The following SLC11A2 variants were observed in gnomAD, a reference collection of about 807,000 sequenced individuals.
SLC11A2 encodes natural resistance-associated macrophage protein 2.
SLC11A2 carries 38 observed loss-of-function variants against 68.0 expected under a neutral mutation model. That is an observed-to-expected ratio of 0.56 (90% CI 0.43 to 0.73). The LOEUF is 0.73. Among genes scored for constraint, SLC11A2 ranks in the 30% least tolerant of loss-of-function variants. The pLI, the probability that SLC11A2 is intolerant of heterozygous loss-of-function variation, is 0.00. For missense variants in SLC11A2, 517 were observed against 690.5 expected, an observed-to-expected ratio of 0.75 and a Z score of 2.82; for synonymous variants, 242 against 250.6, an observed-to-expected ratio of 0.97 and a Z score of 0.32.
Position 50,992,924 on chromosome 12 carries a change from A to C in SLC11A2, c.1083T>G (p.Val361=), listed in dbSNP as rs376488972. ...TLAVDIYKGG[V]VLGCYFGPAA... The stretch of plus-strand genomic sequence containing the variant: ...CAGGCCCAAAGTAACATCCCAGCAC[A>C]ACACCCTGTGAGAGGCCAAGAGGAA... Residue 361 remains valine, a synonymous_variant, in exon 12 of 16, where the codon GTT becomes GTG. Transcript: ENST00000262052. 3.1e-6 allele frequency: 5 copies of C among 1,613,900 alleles called. No homozygotes were observed. The highest frequency in any genetic ancestry group is 4.2e-6 in the Non-Finnish European group (5 of 1,179,938).
chr12:50,962,232 T>TAC, the SLC11A2 span, among the ~76,000 whole-genome samples: 1,571 of 146,276 alleles, frequency 0.011, 20 homozygotes, highest in African/African-American at 0.028. Context: ...CTAAAAAAAT[T>TAC]ACACACACAC....
intron 1 of SLC11A2, chr12:51,025,913 G>C: frequency 1.0e-6 from 1 of 989,296 alleles, no homozygotes; most frequent in Non-Finnish European, 1.2e-6. Flanking sequence ...CCGACGAAGA[G>C]GCCACGAAAG....
chr12:51,016,520 T>A (rs613977), intron 1 of SLC11A2, among the ~76,000 whole-genome samples: 143,530 of 152,052 alleles, frequency 0.94, 67,767 homozygotes, highest in East Asian at 0.98. Context: ...CATCTTTACT[T>A]AAGATACAAA....
In SLC11A2 at chr12:50,991,602, C is replaced by G; in HGVS notation, c.1418G>C (p.Gly473Ala). Reference sequence around the variant, plus strand: ...GAACGAAGAGGAGTACACTCACAGTCCATTGGCAAAGTCACTCATTACTGG... The same window carrying G: ...GAACGAAGAGGAGTACACTCACAGTGCATTGGCAAAGTCACTCATTACTGG... Reference protein sequence around the residue: ...LRPVMSDFANGLGWRIAGGIL... With the variant: ...LRPVMSDFANALGWRIAGGIL... The change falls in exon 14 of 16, where the codon GGA (glycine) becomes GCA (alanine). Residue 473 changes from glycine to alanine, a missense_variant. Transcript: ENST00000262052. 1 of 1,613,514 alleles carries G rather than the reference C, an allele frequency of 6.2e-7. No homozygotes were observed. The highest frequency in any genetic ancestry group is 8.5e-7 in the Non-Finnish European group (1 of 1,179,616).
intron 1 of SLC11A2, chr12:51,026,029 G>A: frequency 9.1e-7 from 1 of 1,093,754 alleles, no homozygotes; most frequent in Non-Finnish European, 1.1e-6. Context: ...TGGGCCATGT[G>A]TCCTAGGCCG....
At chr12:50,977,695 C>T (rs1218441225), downstream of SLC11A2, among the ~76,000 whole-genome samples, 1 of 152,154 alleles carries the variant, frequency 6.6e-6, no homozygotes, top group African/African-American at 2.4e-5. Context: ...AAACTACCAT[C>T]AGAGTGAACA....
rs1462727098 is a variant in SLC11A2, at chr12:50,992,325, T to C, written c.1212A>G (p.Leu404=). The C allele has an allele frequency of 6.2e-7, 1 of 1,613,886 alleles. No individual in the cohort carries two copies. The highest frequency in any genetic ancestry group is 8.5e-7 in the Non-Finnish European group (1 of 1,179,970). The change falls in exon 13 of 16, where the codon CTA becomes CTG. Residue 404 remains leucine, a synonymous_variant. Transcript: ENST00000262052. ...GQFVMEGFLN[L]KWSRFARVVL... is the part of the protein sequence containing the mutation. The stretch of plus-strand genomic sequence containing the variant: ...CCACTCGGGCAAAGCGTGACCACTT[T>C]AGGTTCAGGAATCCCTGGAAGAAAA...
chr12:51,018,308 C>T (rs1256019671), intron 1 of SLC11A2, among the ~76,000 whole-genome samples: 5 of 151,854 alleles, frequency 3.3e-5, no homozygotes, highest in Non-Finnish European at 5.9e-5. Context: ...GCAGGAGAAA[C>T]GCTTGAACCT....
chr12:50,981,949 A>G, downstream of SLC11A2: 1 of 504,054 alleles, frequency 2.0e-6, no homozygotes. Flanking sequence ...GAAATGGCTT[A>G]CAGATACATA....
the SLC11A2 span, among the ~76,000 whole-genome samples, chr12:50,961,456 G>A: frequency 6.6e-6 from 1 of 152,096 alleles, no homozygotes. Context: ...TAAGAGCAGC[G>A]ATCGTATTTC....
At chr12:50,952,640 C>T in the SLC11A2 span, among the ~76,000 whole-genome samples, 12 of 152,326 alleles carry the variant, frequency 7.9e-5, no homozygotes, top group East Asian at 5.8e-4. Context: ...GGTGCAGCAA[C>T]GTCACGTCTT....
the SLC11A2 span, among the ~76,000 whole-genome samples, chr12:50,962,868 A>G: frequency 2.6e-5 from 4 of 152,198 alleles, no homozygotes; most frequent in Non-Finnish European, 5.9e-5. Context: ...TAGGCAGAGG[A>G]AAAAACAAAG....
At chr12:50,978,209 A>G (rs1715971202), downstream of SLC11A2, among the ~76,000 whole-genome samples, 1 of 150,524 alleles carries the variant, frequency 6.6e-6, no homozygotes, top group South Asian at 2.2e-4. Context: ...TTATTGCGGC[A>G]CTATTCACAA....
At chr12:50,964,395 G>A in the SLC11A2 span, among the ~76,000 whole-genome samples, 1 of 152,226 alleles carries the variant, frequency 6.6e-6, no homozygotes, top group Non-Finnish European at 1.5e-5. Context: ...TAGGCATCCT[G>A]CCTGTGTTGG....
chr12:51,026,320 C>T lies in SLC11A2; in HGVS notation c.-49G>A. 7.8e-7 allele frequency: 1 copy of T among 1,275,202 alleles called. No homozygotes were observed. The highest frequency in any genetic ancestry group is 1.0e-6 in the Non-Finnish European group (1 of 978,476). The allele number at this position is 1,275,202 out of a possible 1,614,324, so 79.0% of individuals were successfully genotyped here. On this transcript the variant is annotated 5_prime_UTR_variant, in exon 1 of 16. Transcript: ENST00000262052. ...TTGCCTTCCCCTCACCTTACCAGCT[C>T]CGCAACCACCTGACACGCCGCCCCC... is the stretch of plus-strand genomic sequence containing the variant.
chr12:50,992,495 C>A lies in SLC11A2; in HGVS notation c.1198-156G>T, dbSNP rs143933727. On this transcript the variant is annotated intron_variant, in intron 12 of 15. Coordinates refer to ENST00000262052, the MANE Select transcript of SLC11A2 (RefSeq NM_000617.3). ...CCTGTAATCCCAGCACTTTGAGAGG[C>A]CAAGGCGGGTAGATCACTTGAGGTC... Among the ~76,000 whole-genome samples, 42 of 152,166 alleles carry A rather than the reference C, an allele frequency of 2.8e-4. No homozygotes were observed. The East Asian group carries it at 7.7e-3, about 28-fold the overall frequency.
intron 8 of SLC11A2, among the ~76,000 whole-genome samples, chr12:50,997,268 A>T (rs1386071788): frequency 2.0e-5 from 3 of 152,124 alleles, no homozygotes; most frequent in Non-Finnish European, 4.4e-5. Context: ...ACCTAAGATA[A>T]TGAGGAATAC....
intron 1 of SLC11A2, among the ~76,000 whole-genome samples, chr12:51,015,593 A>G (rs1315767714): frequency 2.6e-5 from 4 of 151,990 alleles, no homozygotes; most frequent in Admixed American, 1.3e-4. Context: ...ATATGGAAGC[A>G]GTAAGTTAAT....
At chr12:51,017,504 TAGGAGAGCCCAA>T in intron 1 of SLC11A2, among the ~76,000 whole-genome samples, 1 of 151,762 alleles carries the variant, frequency 6.6e-6, no homozygotes, top group East Asian at 1.9e-4. Flanking sequence ...AAGGAAGGAG[TAGGAGAGCCCAA>T]ATGAGGTCAT....
Sources: allele counts gnomAD v4.1 joint callset (sites outside exome capture counted in the v4.1 genomes callset), GRCh38; gene constraint gnomAD v4.1.1; transcripts MANE v1.5; gene names NCBI Gene and HGNC (gene_info 2026-07-23, HGNC 2026-07-21).